Variants in VPS8 observed in about 807,000 individuals in gnomAD.
VPS8 encodes VPS8 subunit of CORVET complex.
A neutral mutation model predicts 216.4 loss-of-function variants in VPS8; 129 were observed. That is an observed-to-expected ratio of 0.60 (90% confidence interval 0.52 to 0.69). The LOEUF (loss-of-function observed/expected upper bound fraction) is 0.69. Among genes scored for constraint, VPS8 ranks in the 30% least tolerant of loss-of-function variants. VPS8 has a pLI of 0.00. For missense variants in VPS8, 1,531 were observed against 1,683.5 expected (o/e 0.91, Z 1.59); for synonymous variants, 571 against 565.4 (o/e 1.01, Z -0.14).
intron 45 of VPS8, among the ~76,000 whole-genome samples, chr3:185,019,579 A>G (rs1266622592): frequency 2.0e-5 from 3 of 152,250 alleles, no homozygotes; most frequent in Non-Finnish European, 2.9e-5. Flanking sequence ...CAACAGGAAC[A>G]TGTCCTTAAG....
At chr3:184,849,217 A>G (rs750314493) in intron 9 of VPS8, 22 bp downstream of exon 9, 115 of 1,604,730 alleles carry the variant, frequency 7.2e-5, no homozygotes, top group Non-Finnish European at 9.2e-5. Context: ...ACCTCCTTTA[A>G]TTCATAAGAC....
chr3:185,049,490 C>T (rs1045610307), intron 47 of VPS8, among the ~76,000 whole-genome samples: 2 of 152,138 alleles, frequency 1.3e-5, no homozygotes, highest in African/African-American at 2.4e-5. Flanking sequence ...ACCACTACCC[C>T]GGGTGGGGCC....
Position 184,868,050 on chromosome 3 carries a change from C to T in VPS8, c.1497C>T (p.Ser499=). The T allele has an allele frequency of 6.2e-7, 1 of 1,612,916 alleles. No individual in the cohort carries two copies. Among genetic ancestry groups the T allele is most frequent in the Non-Finnish European group, 8.5e-7 (1 of 1,179,690 alleles). Residue 499 remains serine (S), a synonymous_variant, in exon 18 of 48, where the codon AGC becomes AGT. Transcript: ENST00000625842. ...TKSVYVMMLR[S]WRERVDHLLK... ...CTGTTTATGTGATGATGCTGAGGAG[C>T]TGGAGAGAGGTGAGTTCCAAGTAAT...
chr3:185,003,271 T>C (rs1412492209), intron 45 of VPS8, among the ~76,000 whole-genome samples: 1 of 144,310 alleles, frequency 6.9e-6, no homozygotes, highest in Non-Finnish European at 1.5e-5. Flanking sequence ...AACAAAGGTC[T>C]CTGGTTTTCC....
At chr3:185,011,892 A>G (rs551430364) in intron 45 of VPS8, among the ~76,000 whole-genome samples, 11 of 152,342 alleles carry the variant, frequency 7.2e-5, no homozygotes, top group African/African-American at 2.2e-4. Context: ...AGAAATTACA[A>G]ATATGTTAAA....
At chr3:184,954,756 C>T (rs757502001) in intron 36 of VPS8, among the ~76,000 whole-genome samples, 11 of 151,714 alleles carry the variant, frequency 7.3e-5, no homozygotes, top group African/African-American at 2.2e-4. Context: ...ACCTAGGTGC[C>T]GAGGCAAGAG....
In VPS8 at chr3:184,863,629, C is replaced by T. The variant is rs1170772775; in HGVS notation, c.1395+562C>T. Among the ~76,000 whole-genome samples the T allele has an allele frequency of 3.9e-5, 6 of 152,244 alleles. No homozygotes were observed. In the East Asian group the frequency reaches 1.2e-3, roughly 29 times the overall value. ...GGACGCAACAAAGTTATGGCCTTAG[C>T]ATTAATTTTATTGTATCATTAAGCA... On this transcript the variant is annotated intron_variant, in intron 16 of 47. Transcript: ENST00000625842.
At chr3:184,835,713 T>A (rs1720930735) in intron 5 of VPS8, among the ~76,000 whole-genome samples, 1 of 148,502 alleles carries the variant, frequency 6.7e-6, no homozygotes, top group African/African-American at 2.5e-5. Context: ...ATTTTTCTTT[T>A]TTTTTTTTTT....
At chr3:185,039,527 G>A (rs1448368571) in intron 46 of VPS8, among the ~76,000 whole-genome samples, 1 of 151,522 alleles carries the variant, frequency 6.6e-6, no homozygotes, top group African/African-American at 2.4e-5. Context: ...GACACTGTGG[G>A]GTTTTTTTTT....
intron 35 of VPS8, among the ~76,000 whole-genome samples, chr3:184,938,307 C>G (rs1334454816): frequency 6.6e-6 from 1 of 152,220 alleles, no homozygotes; most frequent in Non-Finnish European, 1.5e-5. Flanking sequence ...AATACCTGCT[C>G]TGGGCCAAAA....
intron 45 of VPS8, among the ~76,000 whole-genome samples, chr3:185,012,334 G>A (rs1054913589): frequency 6.8e-6 from 1 of 146,266 alleles, no homozygotes; most frequent in African/African-American, 2.5e-5. Context: ...TGGATATAAT[G>A]TACATATATC....
Position 184,936,185 on chromosome 3 carries a change from C to G in VPS8, c.2899-61C>G. On this transcript the variant is annotated intron_variant, in intron 34 of 47. Transcript: ENST00000625842. ...TGAGGTAGGTAATCGTGCCTCACAT[C>G]TGTGGATATGCTGTTTAAATGAGCC... 2.1e-6 allele frequency: 3 copies of G among 1,433,532 alleles called. No individual in the cohort carries two copies. The Middle Eastern group carries it at 5.2e-4, about 251-fold the overall frequency. 88.8% of individuals were successfully genotyped at this position (1,433,532 alleles called of 1,614,324 possible).
At chr3:185,015,514 G>A (rs1031275343) in intron 45 of VPS8, among the ~76,000 whole-genome samples, 1 of 152,184 alleles carries the variant, frequency 6.6e-6, no homozygotes, top group African/African-American at 2.4e-5. Flanking sequence ...GAAGTATAGG[G>A]TGTCTGAAAA....
intron 36 of VPS8, among the ~76,000 whole-genome samples, chr3:184,950,800 G>A (rs1250916048): frequency 1.3e-5 from 2 of 151,966 alleles, no homozygotes; most frequent in Admixed American, 6.6e-5. Context: ...TCCCTCTTAT[G>A]AGTGAGAACA....
intron 44 of VPS8, among the ~76,000 whole-genome samples, chr3:184,997,500 C>G (rs1337525725): frequency 6.6e-6 from 1 of 152,194 alleles, no homozygotes; most frequent in Non-Finnish European, 1.5e-5. Context: ...GGAAGTAGTT[C>G]TCTTCACACA....
chr3:184,836,423 G>T (rs1162247163), intron 5 of VPS8: 2 of 408,192 alleles, frequency 4.9e-6, no homozygotes, highest in East Asian at 1.4e-4. Context: ...TTGAGTAATG[G>T]AGACTGAGCT....
intron 43 of VPS8, 30 bp from the exon 44 acceptor site, chr3:184,996,302 T>C (rs368672392): frequency 1.3e-6 from 2 of 1,579,668 alleles, no homozygotes; most frequent in Non-Finnish European, 1.7e-6. Flanking sequence ...AACCTTTTGT[T>C]TGTTTGTTTT....
At chr3:185,030,392 C>A (rs544928087) in intron 46 of VPS8, among the ~76,000 whole-genome samples, 3 of 152,322 alleles carry the variant, frequency 2.0e-5, no homozygotes, top group African/African-American at 7.2e-5. Context: ...GATCCGCTTT[C>A]TCTGCTGGTG....
At chr3:184,989,595 C>T (rs778086143) in intron 42 of VPS8, among the ~76,000 whole-genome samples, 33 of 152,080 alleles carry the variant, frequency 2.2e-4, no homozygotes, top group Non-Finnish European at 4.6e-4. Flanking sequence ...TTGAACCAGC[C>T]TTGCATACCT....
Sources: allele counts gnomAD v4.1 joint callset (sites outside exome capture counted in the v4.1 genomes callset), GRCh38; gene constraint gnomAD v4.1.1; transcripts MANE v1.5; gene names NCBI Gene and HGNC (gene_info 2026-07-23, HGNC 2026-07-21).